The following PHIP variants were observed in gnomAD, a reference collection of about 807,000 sequenced individuals.
PHIP encodes the protein PHIP subunit of CUL4-Ring ligase complex.
PHIP carries 54 observed loss-of-function variants against 236.8 expected under a neutral mutation model. That is an observed-to-expected ratio of 0.23 (90% CI 0.18 to 0.29). The LOEUF (loss-of-function observed/expected upper bound fraction) is 0.29. Ranked by LOEUF, PHIP falls within the 10% of genes least tolerant of loss-of-function variation. PHIP has a pLI of 1.00. For synonymous variants in PHIP, 756 were observed against 718.9 expected (o/e 1.05, Z -0.83); for missense variants, 1,370 against 2,190.8 (o/e 0.63, Z 7.48).
At chr6:78,957,711 G>A (rs1027400127) in intron 32 of PHIP, 2 of 151,678 alleles carry the variant, frequency 1.3e-5, no homozygotes, top group Non-Finnish European at 2.9e-5. Context: ...TACAAATAAT[G>A]ACATGGAATC....
At chr6:79,040,688 CA>C (rs1281680523) in intron 7 of PHIP, among the ~76,000 whole-genome samples, 1 of 152,040 alleles carries the variant, frequency 6.6e-6, no homozygotes, top group Non-Finnish European at 1.5e-5. Flanking sequence ...GAATAGTGAA[CA>C]TATGTGTACC....
chr6:78,985,826 AAAT>A (rs1293624742), intron 21 of PHIP, among the ~76,000 whole-genome samples: 1 of 152,192 alleles, frequency 6.6e-6, no homozygotes, highest in Non-Finnish European at 1.5e-5. Flanking sequence ...ACTGTCTCAA[AAAT>A]AATAATAATA....
chr6:78,977,658 A>T (rs1205077748), intron 24 of PHIP, among the ~76,000 whole-genome samples: 3 of 152,178 alleles, frequency 2.0e-5, no homozygotes, highest in Non-Finnish European at 4.4e-5. Flanking sequence ...AAGGAATTAC[A>T]AACTTTTCTG....
chr6:79,056,603 T>C lies in PHIP; in HGVS notation c.439+3875A>G, dbSNP rs181181972. ...TGTGACAAGGGGGTAGTGGGGATGCTACTGGCAATTAGCAAGCAGAGGCCA... is the reference window on the plus strand; with the variant it reads ...TGTGACAAGGGGGTAGTGGGGATGCCACTGGCAATTAGCAAGCAGAGGCCA... On this transcript the variant is annotated intron_variant, in intron 6 of 39. Transcript: ENST00000275034. Among the ~76,000 whole-genome samples, 3 of 152,226 alleles carry C rather than the reference T, an allele frequency of 2.0e-5. No homozygotes were observed. The East Asian group carries it at 5.8e-4, about 29-fold the overall frequency.
chr6:79,047,969 A>G (rs1772584560), intron 6 of PHIP, among the ~76,000 whole-genome samples: 2 of 151,888 alleles, frequency 1.3e-5, no homozygotes, highest in Admixed American at 6.6e-5. Flanking sequence ...AATTTTGATT[A>G]CATTATTGTA....
intron 34 of PHIP, 57 bp downstream of exon 34, chr6:78,955,175 C>T (rs1322532338): frequency 3.3e-6 from 4 of 1,200,914 alleles, no homozygotes; most frequent in South Asian, 1.4e-5. Context: ...ATAAAGAAAG[C>T]TCTTAATACA....
intron 24 of PHIP, among the ~76,000 whole-genome samples, chr6:78,975,055 G>A (rs1767944747): frequency 6.6e-6 from 1 of 150,850 alleles, no homozygotes. Context: ...CCAAAGCTGG[G>A]CAGAGACACA....
chr6:78,956,400 A>G (rs1582103744), intron 32 of PHIP: 1 of 152,080 alleles, frequency 6.6e-6, no homozygotes, highest in East Asian at 1.9e-4. Flanking sequence ...TAGTTGGTCA[A>G]CTGTAGCAGT....
intron 4 of PHIP, among the ~76,000 whole-genome samples, chr6:79,074,349 T>G (rs905283468): frequency 6.6e-6 from 1 of 152,020 alleles, no homozygotes; most frequent in Admixed American, 6.5e-5. Flanking sequence ...CCTCTAGATC[T>G]CGTAAATATG....
intron 37 of PHIP, 149 bp downstream of exon 37, chr6:78,946,562 T>C (rs1773830206): frequency 5.0e-6 from 7 of 1,387,920 alleles, no homozygotes; most frequent in East Asian, 2.7e-5. Context: ...AGTTAAAAGA[T>C]TAAAAATCCT....
chr6:79,039,082 ATAGAGT>A (rs1000399856), intron 7 of PHIP, among the ~76,000 whole-genome samples: 2 of 152,190 alleles, frequency 1.3e-5, no homozygotes, highest in African/African-American at 2.4e-5. Context: ...TTCTCTGTAT[ATAGAGT>A]TAGTTTGAAT....
In PHIP at chr6:78,935,883, G is replaced by A. The variant is rs902225885; in HGVS notation, c.*4810C>T. On this transcript the variant is annotated 3_prime_UTR_variant, in exon 40 of 40. Transcript: ENST00000275034. ...TCTACAAAATAGCTTAGAAAAACAAGTTTTCTATTTATTTAAAAATAAGTT... is the reference window on the plus strand; with the variant it reads ...TCTACAAAATAGCTTAGAAAAACAAATTTTCTATTTATTTAAAAATAAGTT... 1.3e-5 allele frequency: 4 copies of A among 309,152 alleles called. No homozygotes were observed. The highest frequency in any genetic ancestry group is 1.9e-5 in the Non-Finnish European group (4 of 212,140). The allele number at this position is 309,152 out of a possible 1,614,324, so 19.2% of individuals were successfully genotyped here. A position where few individuals can be genotyped will look rare whatever the true frequency, so the allele number is the denominator to read the frequency against.
chr6:78,946,181 A>G lies in PHIP; in HGVS notation c.4450T>C (p.Ser1484Pro). 1 of 1,613,804 alleles carries G rather than the reference A, an allele frequency of 6.2e-7. No homozygotes were observed. The highest frequency in any genetic ancestry group is 8.5e-7 in the Non-Finnish European group (1 of 1,179,774). ...STSAFSTPTR[S>P]IPPRHNAAQI... Reference sequence around the variant, plus strand: ...GCAGCATTGTGTCTTGGCGGTATTGATCGTGTAGGTGTAGAGAATGCAGAG... The same window carrying G: ...GCAGCATTGTGTCTTGGCGGTATTGGTCGTGTAGGTGTAGAGAATGCAGAG... Residue 1484 changes from serine to proline, a missense_variant, in exon 38 of 40, where the codon TCA (serine) becomes CCA (proline). Physicochemically the swap from Ser to Pro is moderately conservative, Grantham distance 74. Around this residue, in one of 14 missense-constraint regions of PHIP, gnomAD observed 309 missense variants for 328.3 expected, o/e 0.94. Coordinates refer to ENST00000275034, the MANE Select transcript of PHIP (RefSeq NM_017934.7).
intron 9 of PHIP, among the ~76,000 whole-genome samples, chr6:79,023,455 TAGG>T (rs551187064): frequency 1.4e-4 from 21 of 151,988 alleles, no homozygotes; most frequent in Non-Finnish European, 2.6e-4. Flanking sequence ...GGGACAAGAA[TAGG>T]AAAGAATATA....
rs116803508 is a variant in PHIP, at chr6:79,039,940, C to G, written c.600+2903G>C. The stretch of plus-strand genomic sequence containing the variant: ...TGGGAAAGCACCCATTCTTAAAATA[C>G]TGTCATACAAAATAATGATACATTT... On this transcript the variant is annotated intron_variant, in intron 7 of 39. Transcript: ENST00000275034. Among the ~76,000 whole-genome samples the G allele has an allele frequency of 3.1e-3, 478 of 152,224 alleles. 3 individuals carry two copies. The highest frequency in any genetic ancestry group is 0.011 in the African/African-American group (452 of 41,564).
At chr6:79,050,568 A>G (rs1008178678) in intron 6 of PHIP, among the ~76,000 whole-genome samples, 6 of 152,198 alleles carry the variant, frequency 3.9e-5, no homozygotes, top group African/African-American at 1.4e-4. Flanking sequence ...AGTGAGACTG[A>G]TTAATTTTTG....
intron 7 of PHIP, among the ~76,000 whole-genome samples, chr6:79,029,983 T>TATA (rs1158451945): frequency 6.6e-6 from 1 of 152,172 alleles, no homozygotes; most frequent in Non-Finnish European, 1.5e-5. Context: ...AGTAAGATAT[T>TATA]ATAGTCTTTT....
intron 7 of PHIP, among the ~76,000 whole-genome samples, chr6:79,035,788 G>A (rs74645374): frequency 0.013 from 1,919 of 152,152 alleles, 37 homozygotes; most frequent in African/African-American, 0.043. Flanking sequence ...TAAAAATTGC[G>A]TACAATTTAA....
At chr6:78,960,966 TACACA>T (rs1226906247) in intron 31 of PHIP, among the ~76,000 whole-genome samples, 18 of 152,286 alleles carry the variant, frequency 1.2e-4, no homozygotes, top group Admixed American at 1.0e-3. Flanking sequence ...AATGCAATGT[TACACA>T]AATTAAATTG....
Sources: allele counts gnomAD v4.1 joint callset (sites outside exome capture counted in the v4.1 genomes callset), GRCh38; gene constraint gnomAD v4.1.1; regional missense constraint gnomAD v4.1.1; transcripts MANE v1.5; gene names NCBI Gene and HGNC (gene_info 2026-07-23, HGNC 2026-07-21).